Variants in CDC42BPA observed in about 807,000 individuals in gnomAD.
CDC42BPA encodes the protein serine/threonine-protein kinase MRCK alpha.
In CDC42BPA, 80 loss-of-function variants were observed where a neutral mutation model predicts 223.5. That is an observed-to-expected ratio of 0.36 (90% CI 0.30 to 0.43). The LOEUF is 0.43. Among genes scored for constraint, CDC42BPA ranks in the 20% least tolerant of loss-of-function variants. The probability of loss-of-function intolerance (pLI) is 1.00; values close to 1 mark genes in which losing one functional copy is unlikely to be tolerated. For missense variants in CDC42BPA, 1,743 were observed against 2,099.9 expected, an observed-to-expected ratio of 0.83 and a Z score of 3.32; for synonymous variants, 694 against 718.6, an observed-to-expected ratio of 0.97 and a Z score of 0.55.
intron 21 of CDC42BPA, chr1:227,059,398 C>A: frequency 6.4e-7 from 1 of 1,563,894 alleles, no homozygotes; most frequent in Non-Finnish European, 8.7e-7. Flanking sequence ...AGCTGGAGTA[C>A]AGGATGGAGA....
intron 1 of CDC42BPA, among the ~76,000 whole-genome samples, chr1:227,274,262 T>C (rs1030746997): frequency 6.6e-6 from 1 of 152,146 alleles, no homozygotes; most frequent in Admixed American, 6.6e-5. Context: ...ATAATAGCTA[T>C]GATCCAAAAG....
chr1:227,162,993 AAC>A (rs1250120265), intron 5 of CDC42BPA, among the ~76,000 whole-genome samples: 4 of 70,328 alleles, frequency 5.7e-5, no homozygotes, highest in African/African-American at 1.2e-4. Context: ...CATGTTTCCA[AAC>A]ATGTGTATGT....
chr1:227,069,590 C>A, intron 21 of CDC42BPA, 187 bp downstream of exon 21: 1 of 404,562 alleles, frequency 2.5e-6, no homozygotes, highest in South Asian at 7.5e-5. Flanking sequence ...TTTTGTTAAA[C>A]AGAGGTGGGA....
chr1:227,194,874 C>T (rs1319401867), intron 4 of CDC42BPA, among the ~76,000 whole-genome samples: 1 of 152,084 alleles, frequency 6.6e-6, no homozygotes, highest in Non-Finnish European at 1.5e-5. Context: ...TCTCATCTAC[C>T]TAACTACAAT....
At chr1:227,003,998 A>G (rs1310631495) in intron 35 of CDC42BPA, 1 of 152,154 alleles carries the variant, frequency 6.6e-6, no homozygotes, top group East Asian at 1.9e-4. Context: ...TTATTGTAGT[A>G]AAGGGTATAT....
chr1:227,144,299 G>A (rs910774937), intron 8 of CDC42BPA, among the ~76,000 whole-genome samples: 6 of 152,114 alleles, frequency 3.9e-5, no homozygotes, highest in East Asian at 1.9e-4. Flanking sequence ...AAAAGGGGCC[G>A]GGAGCAGTGG....
chr1:227,278,767 T>A (rs1261342442), intron 1 of CDC42BPA, among the ~76,000 whole-genome samples: 2 of 152,168 alleles, frequency 1.3e-5, no homozygotes, highest in Admixed American at 6.5e-5. Flanking sequence ...CAGGGTAAAT[T>A]AAAGAGGAGC....
intron 1 of CDC42BPA, among the ~76,000 whole-genome samples, chr1:227,280,358 T>C (rs1396144767): frequency 6.6e-6 from 1 of 152,086 alleles, no homozygotes; most frequent in Non-Finnish European, 1.5e-5. Flanking sequence ...CCTTTTGTTT[T>C]ACACCTAAGA....
At chr1:227,030,299 C>T (rs962212339) in intron 29 of CDC42BPA, 109 bp downstream of exon 29, 10 of 665,266 alleles carry the variant, frequency 1.5e-5, no homozygotes, top group South Asian at 5.7e-5. Flanking sequence ...AAATTTTAGT[C>T]GCAGGATAAA....
chr1:227,212,946 A>T (rs1306509734), intron 3 of CDC42BPA, among the ~76,000 whole-genome samples, 190 bp downstream of exon 3: 1 of 152,164 alleles, frequency 6.6e-6, no homozygotes, highest in South Asian at 2.1e-4. Context: ...ACTAATATTA[A>T]ATTAGCATTA....
At chr1:227,013,690 G>T (rs568152835) in intron 34 of CDC42BPA, among the ~76,000 whole-genome samples, 1 of 151,884 alleles carries the variant, frequency 6.6e-6, no homozygotes, top group African/African-American at 2.4e-5. Flanking sequence ...GAATGTATGA[G>T]ATAAAAACAT....
Position 226,994,324 on chromosome 1 carries a change from G to C in CDC42BPA, c.5209C>G (p.Arg1737Gly). The change falls in exon 37 of 37, where the codon CGA becomes GGA. Residue 1737 changes from arginine (R) to glycine (G), a missense_variant. Coordinates refer to ENST00000366766, the MANE Select transcript of CDC42BPA (RefSeq NM_001394014.1). This position sits in a 1 kb window ranked among gnomAD's most constrained non-coding sequence, Gnocchi z 4.0. ...LSSPPSPASPRKTKSLSLEST... is the reference protein window; with the variant it reads ...LSSPPSPASPGKTKSLSLEST... ...TCCAGGGAGAGGCTCTTGGTTTTTC[G>C]GGGTGAAGCTGGGCTTGGGGGGCTG... 6.3e-7 allele frequency: 1 copy of C among 1,598,756 alleles called. No homozygotes were observed. The highest frequency in any genetic ancestry group is 8.5e-7 in the Non-Finnish European group (1 of 1,171,410).
At chr1:227,048,394 ATATT>A (rs1672885318) in intron 22 of CDC42BPA, among the ~76,000 whole-genome samples, 3 of 152,012 alleles carry the variant, frequency 2.0e-5, no homozygotes, top group Admixed American at 2.0e-4. Context: ...TTATAATAAA[ATATT>A]TAGAAGATTC....
At chr1:227,135,916 G>C (rs1436510692) in intron 10 of CDC42BPA, among the ~76,000 whole-genome samples, 3 of 143,534 alleles carry the variant, frequency 2.1e-5, no homozygotes, top group Admixed American at 7.1e-5. Context: ...ATTTAGTCTT[G>C]TCCAAGCTCA....
chr1:227,100,951 T>C, intron 15 of CDC42BPA, 41 bp downstream of exon 15: 1 of 1,217,202 alleles, frequency 8.2e-7, no homozygotes, highest in Non-Finnish European at 1.2e-6. Context: ...TAACAGGTAC[T>C]CAGTAAGTAT....
chr1:227,256,948 G>GACACACAC (rs55961981), intron 1 of CDC42BPA, among the ~76,000 whole-genome samples: 2,527 of 141,068 alleles, frequency 0.018, 29 homozygotes, highest in East Asian at 0.045. Flanking sequence ...TATATATACA[G>GACACACAC]ACACACACAC....
intron 5 of CDC42BPA, among the ~76,000 whole-genome samples, chr1:227,161,115 T>C (rs1296622106): frequency 6.6e-6 from 1 of 152,244 alleles, no homozygotes; most frequent in East Asian, 1.9e-4. Flanking sequence ...ATAAAGTTGA[T>C]TTTACAGAAG....
chr1:227,205,554 T>G (rs186799780), intron 3 of CDC42BPA, among the ~76,000 whole-genome samples: 3 of 152,142 alleles, frequency 2.0e-5, no homozygotes, highest in African/African-American at 7.2e-5. Context: ...AAAAGGGAAC[T>G]TGCATTTGTT....
chr1:227,059,604 C>T (rs527469394), intron 21 of CDC42BPA, among the ~76,000 whole-genome samples: 18 of 152,278 alleles, frequency 1.2e-4, no homozygotes, highest in South Asian at 1.0e-3. Flanking sequence ...GTTTGGACTA[C>T]GTCTAAGGTT....
Sources: gnomAD v4.1 joint callset for allele counts (sites outside exome capture counted in the v4.1 genomes callset) on GRCh38, gnomAD v4.1.1 for gene constraint, Gnocchi (gnomAD v3.1) non-coding constraint, MANE v1.5 for transcripts, NCBI Gene and HGNC (gene_info 2026-07-23, HGNC 2026-07-21) for gene names.